The following SEMA6D variants were observed in gnomAD, a reference collection of about 807,000 sequenced individuals.
SEMA6D encodes semaphorin 6D, also known as semaphorin-6D.
SEMA6D carries 35 observed loss-of-function variants against 106.6 expected under a neutral mutation model. The observed-to-expected ratio is 0.33, with a 90% CI of 0.25 to 0.44. The LOEUF (loss-of-function observed/expected upper bound fraction) is 0.44, where lower values mean the gene tolerates loss of function less well. SEMA6D is among the 20% of genes least tolerant of loss of function. The probability of loss-of-function intolerance (pLI) is 1.00; values close to 1 mark genes in which losing one functional copy is unlikely to be tolerated. For missense variants in SEMA6D, 1,185 were observed against 1,345.9 expected, an observed-to-expected ratio of 0.88 and a Z score of 1.87; for synonymous variants, 499 against 487.7, an observed-to-expected ratio of 1.02 and a Z score of -0.31.
intron 3 of SEMA6D, among the ~76,000 whole-genome samples, chr15:47,550,078 T>C (rs981987633): frequency 2.6e-5 from 4 of 152,216 alleles, no homozygotes; most frequent in Non-Finnish European, 5.9e-5. Context: ...CATGTTGCTA[T>C]GGTATGGTGC....
intron 3 of SEMA6D, among the ~76,000 whole-genome samples, chr15:47,512,873 C>G (rs1448798856): frequency 6.6e-6 from 1 of 152,144 alleles, no homozygotes; most frequent in African/African-American, 2.4e-5. Context: ...AGGATTGGTC[C>G]TAGATCCTGG....
chr15:47,407,810 GATGGATAACCAGCCAGA>G (rs1350972594), intron 1 of SEMA6D, among the ~76,000 whole-genome samples: 4 of 152,180 alleles, frequency 2.6e-5, no homozygotes, highest in African/African-American at 9.7e-5. Flanking sequence ...AGGCACATTG[GATGGATAACCAGCCAGA>G]AGCTCAGATG....
At chr15:47,651,503 C>T (rs2077690757) in intron 4 of SEMA6D, among the ~76,000 whole-genome samples, 1 of 152,192 alleles carries the variant, frequency 6.6e-6, no homozygotes, top group Admixed American at 6.5e-5. Context: ...CTAATCCATT[C>T]ATAGCTGATC....
chr15:47,702,950 A>G (rs1489270770), intron 4 of SEMA6D, among the ~76,000 whole-genome samples: 2 of 152,200 alleles, frequency 1.3e-5, no homozygotes, highest in African/African-American at 2.4e-5. Flanking sequence ...GTCATTATGC[A>G]TTCATCCAAA....
At chr15:47,411,848 G>C (rs1177735312) in intron 1 of SEMA6D, among the ~76,000 whole-genome samples, 3 of 152,110 alleles carry the variant, frequency 2.0e-5, no homozygotes, top group Non-Finnish European at 2.9e-5. Flanking sequence ...AGCCCTCAGA[G>C]CCTCATCTCA....
At position 47,643,795 on chromosome 15, in the gene SEMA6D, G is replaced by GATATACAATAAATTTTGTT. The variant is rs1290070676; in HGVS notation, c.-55+42901_-55+42919dup. Among the ~76,000 whole-genome samples, 5 of 152,136 alleles carry GATATACAATAAATTTTGTT rather than the reference G, an allele frequency of 3.3e-5. No homozygotes were observed. In the East Asian group the frequency reaches 9.6e-4, roughly 29 times the overall value. On this transcript the variant is annotated intron_variant, in intron 4 of 19. Coordinates refer to the SEMA6D transcript ENST00000558014. ...AAATCCTCTTCTCTAGCTATTTACA[G>GATATACAATAAATTTTGTT]ATATACAATAAATTTTGTTAGTTAT...
chr15:47,265,471 T>C (rs1427268014), intron 1 of SEMA6D, among the ~76,000 whole-genome samples: 1 of 152,006 alleles, frequency 6.6e-6, no homozygotes, highest in Non-Finnish European at 1.5e-5. Flanking sequence ...TATTCTCCAT[T>C]TGGTGTGAAA....
intron 3 of SEMA6D, among the ~76,000 whole-genome samples, chr15:47,597,497 A>C (rs556457971): frequency 1.3e-5 from 2 of 152,202 alleles, no homozygotes; most frequent in East Asian, 1.9e-4. Flanking sequence ...TGGATAAAGA[A>C]AATGTGATAT....
chr15:47,401,204 TCTTA>T lies in SEMA6D; in HGVS notation c.-238-11185_-238-11182del, dbSNP rs374941860. Among the ~76,000 whole-genome samples the T allele has an allele frequency of 1.8e-3, 271 of 152,294 alleles. 1 individual carries two copies. The highest frequency in any genetic ancestry group is 6.4e-3 in the African/African-American group (267 of 41,564). ...TATTAACATTAGTAATTCCTTTGCG[TCTTA>T]CTTCTGTGTACAATACAGTCATTTT... On this transcript the variant is annotated intron_variant, in intron 1 of 19. Transcript: ENST00000558014.
rs145056482 is a variant in SEMA6D, at chr15:47,770,864, G to T, written c.2301G>T (p.Glu767Asp). 1 of 1,613,592 alleles carries T rather than the reference G, an allele frequency of 6.2e-7. No homozygotes were observed. Among genetic ancestry groups the T allele is most frequent in the East Asian group, 2.2e-5 (1 of 44,772 alleles). ...TGGACCATCGAGGGCAACCTCCAGA[G>T]TTGGCTGCTCTTCCTACTCCTGAGT... Reference protein sequence around the residue: ...MVMDHRGQPPELAALPTPEST... With the variant: ...MVMDHRGQPPDLAALPTPEST... The change falls in exon 19 of 19, where the codon GAG becomes GAT. Residue 767 changes from glutamate to aspartate, a missense_variant. Transcript: ENST00000536845.
At position 47,506,832 on chromosome 15, in the gene SEMA6D, C is replaced by T. The variant is rs1157253878; in HGVS notation, c.-87+36287C>T. Among the ~76,000 whole-genome samples, 3 of 152,226 alleles carry T rather than the reference C, an allele frequency of 2.0e-5. No homozygotes were observed. The East Asian group carries it at 5.8e-4, about 29-fold the overall frequency. ...ACATTACTGCAAGAGTTACATTATT[C>T]CTGTTGCCATATTTACATCACTTTA... On this transcript the variant is annotated intron_variant, in intron 3 of 19. Coordinates refer to the SEMA6D transcript ENST00000558014.
At chr15:47,240,729 T>C (rs373661834) in intron 1 of SEMA6D, among the ~76,000 whole-genome samples, 2 of 152,178 alleles carry the variant, frequency 1.3e-5, no homozygotes, top group African/African-American at 4.8e-5. Flanking sequence ...AAAGGGCAAA[T>C]ATTTGAATCA....
chr15:47,323,472 A>G (rs186349001), intron 1 of SEMA6D, among the ~76,000 whole-genome samples: 1,679 of 152,240 alleles, frequency 0.011, 13 homozygotes, highest in Non-Finnish European at 0.014. Context: ...TAGAATGGGG[A>G]AGTGCATGCT....
intron 1 of SEMA6D, among the ~76,000 whole-genome samples, chr15:47,733,847 T>C (rs1768659075): frequency 6.6e-6 from 1 of 152,206 alleles, no homozygotes; most frequent in Non-Finnish European, 1.5e-5. Flanking sequence ...AAAATATTCA[T>C]ATAGGAAAGG....
At chr15:47,402,170 G>A (rs281310) in intron 1 of SEMA6D, among the ~76,000 whole-genome samples, 89,357 of 152,042 alleles carry the variant, frequency 0.59, 27,213 homozygotes, top group Middle Eastern at 0.71. Flanking sequence ...GCAGAACTGG[G>A]ATTTTAATTT....
chr15:47,503,673 GCT>G (rs561903309), intron 3 of SEMA6D, among the ~76,000 whole-genome samples: 5 of 139,866 alleles, frequency 3.6e-5, no homozygotes, highest in Non-Finnish European at 6.1e-5. Context: ...ATGCAGGGGT[GCT>G]CTCTCTCTCT....
intron 2 of SEMA6D, among the ~76,000 whole-genome samples, chr15:47,466,890 C>CTT (rs74867347): frequency 4.9e-4 from 65 of 132,216 alleles, no homozygotes; most frequent in African/African-American, 1.6e-3. Flanking sequence ...CCACGCCTGG[C>CTT]TTTTTTTTTT....
intron 1 of SEMA6D, among the ~76,000 whole-genome samples, chr15:47,373,390 A>T (rs537677915): frequency 6.6e-5 from 10 of 152,342 alleles, no homozygotes; most frequent in African/African-American, 2.4e-4. Flanking sequence ...TACCCCATAT[A>T]TGACATACAT....
chr15:47,530,297 C>T (rs974185506), intron 3 of SEMA6D, among the ~76,000 whole-genome samples: 2 of 152,180 alleles, frequency 1.3e-5, no homozygotes, highest in African/African-American at 4.8e-5. Context: ...TCATGACAAA[C>T]ACATTCAGAC....
Sources: allele counts gnomAD v4.1 joint callset (sites outside exome capture counted in the v4.1 genomes callset), GRCh38; gene constraint gnomAD v4.1.1; transcripts MANE v1.5; gene names NCBI Gene and HGNC (gene_info 2026-07-23, HGNC 2026-07-21).